Variants in ARHGAP26 observed in about 807,000 individuals in gnomAD.
ARHGAP26 encodes the protein Rho GTPase activating protein 26.
Under a neutral mutation model 104.8 loss-of-function variants are expected in ARHGAP26, and 38 were observed. The observed-to-expected ratio is 0.36, with a 90% CI of 0.28 to 0.48. The LOEUF is 0.48. Ranked by LOEUF, ARHGAP26 falls within the 20% of genes least tolerant of loss-of-function variation. ARHGAP26 has a pLI of 0.99. For synonymous variants in ARHGAP26, 341 were observed against 340.0 expected, an observed-to-expected ratio of 1.00 and a Z score of -0.03; for missense variants, 704 against 947.9, an observed-to-expected ratio of 0.74 and a Z score of 3.38.
chr5:142,853,012 G>A (rs1482330645), intron 1 of ARHGAP26, among the ~76,000 whole-genome samples: 1 of 151,934 alleles, frequency 6.6e-6, no homozygotes, highest in Non-Finnish European at 1.5e-5. Flanking sequence ...TGCCTTTATC[G>A]AGCTCCAAAG....
At chr5:143,094,085 G>A (rs1371771208) in intron 17 of ARHGAP26, among the ~76,000 whole-genome samples, 2 of 152,246 alleles carry the variant, frequency 1.3e-5, no homozygotes, top group African/African-American at 4.8e-5. Flanking sequence ...TCCCGACTAA[G>A]GAATACTTCA....
chr5:143,105,453 T>A lies in ARHGAP26; in HGVS notation c.1539-15535T>A, dbSNP rs186065381. On this transcript the variant is annotated intron_variant, in intron 17 of 22. Coordinates refer to ENST00000645722, the MANE Select transcript of ARHGAP26 (RefSeq NM_001135608.3). ...AATAGGTCTAACCTAAAGACCAAACTGACATTAGCTAATGTCATTACATGA... is the reference window on the plus strand; with the variant it reads ...AATAGGTCTAACCTAAAGACCAAACAGACATTAGCTAATGTCATTACATGA... 2.6e-3 allele frequency among the ~76,000 whole-genome samples: 395 copies of A among 152,138 alleles called. 2 individuals carry two copies. The highest frequency in any genetic ancestry group is 0.02 in the South Asian group (95 of 4,820).
intron 17 of ARHGAP26, among the ~76,000 whole-genome samples, chr5:143,100,371 T>G (rs1793036688): frequency 6.6e-6 from 1 of 152,200 alleles, no homozygotes; most frequent in Non-Finnish European, 1.5e-5. Flanking sequence ...TGGCCTACAT[T>G]GTGTGGGAAA....
At chr5:143,102,823 CA>C (rs1488606763) in intron 17 of ARHGAP26, among the ~76,000 whole-genome samples, 1 of 152,144 alleles carries the variant, frequency 6.6e-6, no homozygotes, top group African/African-American at 2.4e-5. Context: ...TGATAATTTT[CA>C]GTACTTTTTT....
intron 10 of ARHGAP26, among the ~76,000 whole-genome samples, chr5:142,915,952 C>T (rs991105115): frequency 3.3e-5 from 5 of 152,158 alleles, no homozygotes; most frequent in South Asian, 2.1e-4. Context: ...TGTCCTTTAG[C>T]GAGGAGGTGA....
chr5:143,074,623 C>T (rs912012652), intron 17 of ARHGAP26, among the ~76,000 whole-genome samples: 7 of 152,178 alleles, frequency 4.6e-5, no homozygotes, highest in African/African-American at 1.4e-4. Flanking sequence ...TATGTGTTAC[C>T]TATGGCAGCC....
chr5:143,212,778 T>G (rs536561896), intron 21 of ARHGAP26, among the ~76,000 whole-genome samples: 1 of 152,360 alleles, frequency 6.6e-6, no homozygotes, highest in Admixed American at 6.5e-5. Flanking sequence ...AGAGAAAGTT[T>G]GCCACCTTCT....
chr5:142,876,298 CA>C (rs1299821494), intron 3 of ARHGAP26, among the ~76,000 whole-genome samples: 5 of 152,158 alleles, frequency 3.3e-5, no homozygotes, highest in Admixed American at 3.3e-4. Context: ...GAACACTATT[CA>C]CCAAGATGCA....
At chr5:143,170,078 A>G (rs1802556462) in intron 20 of ARHGAP26, 1 of 152,200 alleles carries the variant, frequency 6.6e-6, no homozygotes, top group African/African-American at 2.4e-5. Context: ...AAAGGCTTTC[A>G]TTATCAGTGC....
chr5:143,111,833 A>T (rs922569022), intron 17 of ARHGAP26, among the ~76,000 whole-genome samples: 1 of 152,184 alleles, frequency 6.6e-6, no homozygotes, highest in Non-Finnish European at 1.5e-5. Context: ...AGTGCATTAT[A>T]TGCTGTCTGT....
chr5:143,032,400 A>G (rs1782003128), intron 12 of ARHGAP26, among the ~76,000 whole-genome samples: 1 of 152,196 alleles, frequency 6.6e-6, no homozygotes, highest in Non-Finnish European at 1.5e-5. Flanking sequence ...ATGCAAGCCT[A>G]GTAGATATTT....
chr5:142,850,104 G>A (rs1751221508), intron 1 of ARHGAP26, among the ~76,000 whole-genome samples: 1 of 152,168 alleles, frequency 6.6e-6, no homozygotes, highest in African/African-American at 2.4e-5. Flanking sequence ...CCCTCATTGT[G>A]TTCCCTAGGC....
At chr5:142,847,879 G>T (rs1260048544) in intron 1 of ARHGAP26, among the ~76,000 whole-genome samples, 1 of 152,240 alleles carries the variant, frequency 6.6e-6, no homozygotes, top group Non-Finnish European at 1.5e-5. Context: ...GTGAACATCA[G>T]GGAAGATACT....
At chr5:142,937,774 G>C (rs141583833) in intron 11 of ARHGAP26, among the ~76,000 whole-genome samples, 20 of 150,192 alleles carry the variant, frequency 1.3e-4, no homozygotes, top group Non-Finnish European at 2.5e-4. Flanking sequence ...TATGCTAAAT[G>C]AAAAAGGCCA....
chr5:143,144,405 T>G (rs1198211335), intron 19 of ARHGAP26, among the ~76,000 whole-genome samples: 2 of 152,018 alleles, frequency 1.3e-5, no homozygotes, highest in African/African-American at 4.8e-5. Context: ...TTCTTTATTA[T>G]TATTATTATT....
chr5:142,956,153 A>C (rs762374968), intron 11 of ARHGAP26, among the ~76,000 whole-genome samples: 15 of 152,346 alleles, frequency 9.8e-5, no homozygotes, highest in Non-Finnish European at 1.9e-4. Context: ...ATGATTAATC[A>C]AAAATATTAA....
intron 17 of ARHGAP26, among the ~76,000 whole-genome samples, chr5:143,106,932 G>A (rs182379364): frequency 6.6e-6 from 1 of 152,192 alleles, no homozygotes; most frequent in African/African-American, 2.4e-5. Flanking sequence ...CAGCTCACAG[G>A]TCTCTTCCCT....
At chr5:143,031,986 C>T (rs11742230) in intron 12 of ARHGAP26, among the ~76,000 whole-genome samples, 14,017 of 152,254 alleles carry the variant, frequency 0.092, 842 homozygotes, top group Middle Eastern at 0.15. Context: ...CCTCTTCCCA[C>T]GTCTGTGGTT....
intron 17 of ARHGAP26, among the ~76,000 whole-genome samples, chr5:143,078,186 A>G (rs1371634568): frequency 1.3e-5 from 2 of 152,222 alleles, no homozygotes; most frequent in Non-Finnish European, 2.9e-5. Flanking sequence ...TAAAAAATGA[A>G]GTTTCATTGC....
Sources: gnomAD v4.1 joint callset for allele counts (sites outside exome capture counted in the v4.1 genomes callset) on GRCh38, gnomAD v4.1.1 for gene constraint, MANE v1.5 for transcripts, NCBI Gene and HGNC (gene_info 2026-07-23, HGNC 2026-07-21) for gene names.